Variants in CEP126 observed in about 807,000 individuals in gnomAD.
The protein encoded by CEP126 is centrosomal protein 126.
CEP126 carries 74 observed loss-of-function variants against 107.8 expected under a neutral mutation model. That is an observed-to-expected ratio of 0.69 (90% CI 0.57 to 0.83). The LOEUF (loss-of-function observed/expected upper bound fraction) is 0.83, where lower values mean the gene tolerates loss of function less well. Among genes scored for constraint, CEP126 ranks in the 40% least tolerant of loss-of-function variants. CEP126 has a pLI of 0.00. For missense variants in CEP126, 1,237 were observed against 1,281.9 expected, an observed-to-expected ratio of 0.96 and a Z score of 0.53; for synonymous variants, 449 against 446.0, an observed-to-expected ratio of 1.01 and a Z score of -0.08.
chr11:101,962,664 A>G lies in CEP126; in HGVS notation c.1629A>G (p.Thr543=). The G allele has an allele frequency of 1.2e-6, 2 of 1,613,282 alleles. No homozygotes were observed. The highest frequency in any genetic ancestry group is 8.5e-7 in the Non-Finnish European group (1 of 1,179,696). ...SKDEKQKLAE[T]SSLSNVTSNY... ...ATGAAAAACAAAAATTAGCTGAAAC[A>G]TCATCCTTGTCTAATGTAACTTCTA... Residue 543 remains threonine, a synonymous_variant, in exon 6 of 11, where the codon ACA becomes ACG. Coordinates refer to ENST00000263468, the MANE Select transcript of CEP126 (RefSeq NM_020802.4).
chr11:101,915,425 G>A lies in CEP126; in HGVS notation c.128+13G>A. ...CTGGCTCTTACCTGTATCCTTCCCA[G>A]CCTGTGGCTGCCAGGGTAGCGATGT... On this transcript the variant is annotated intron_variant, in intron 1 of 10. Coordinates refer to ENST00000263468, the MANE Select transcript of CEP126 (RefSeq NM_020802.4). 1 of 1,598,292 alleles carries A rather than the reference G, an allele frequency of 6.3e-7. No homozygotes were observed. Among genetic ancestry groups the A allele is most frequent in the Non-Finnish European group, 8.6e-7 (1 of 1,169,064 alleles).
At chr11:101,917,028 ATGTGTGTGTGTGTGTGTGTGTGTG>A (rs57573389) in intron 1 of CEP126, among the ~76,000 whole-genome samples, 3 of 136,052 alleles carry the variant, frequency 2.2e-5, no homozygotes, top group Middle Eastern at 3.7e-3. Flanking sequence ...AAATCCAACA[ATGTGTGTGTGTGTGTGTGTGTGTG>A]TGTGTGTGTG....
chr11:101,921,944 C>A (rs1486788667), intron 1 of CEP126, among the ~76,000 whole-genome samples: 3 of 150,428 alleles, frequency 2.0e-5, no homozygotes, highest in African/African-American at 7.3e-5. Flanking sequence ...CGCCACCACG[C>A]CCGCCTAATT....
At chr11:101,980,344 A>T (rs1941241260) in intron 7 of CEP126, among the ~76,000 whole-genome samples, 1 of 152,188 alleles carries the variant, frequency 6.6e-6, no homozygotes, top group Non-Finnish European at 1.5e-5. Flanking sequence ...ATAAATTTAA[A>T]AGTAATATGT....
chr11:101,916,223 A>G (rs571334534), intron 1 of CEP126: 2 of 152,290 alleles, frequency 1.3e-5, no homozygotes, highest in Admixed American at 1.3e-4. Context: ...TCTCTTTCCA[A>G]GTTAACTCTG....
intron 2 of CEP126, among the ~76,000 whole-genome samples, chr11:101,943,545 TAC>T (rs150953622): frequency 3.0e-4 from 45 of 148,420 alleles, no homozygotes; most frequent in Middle Eastern, 3.4e-3. Flanking sequence ...TATTGAATCA[TAC>T]ACACACACAC....
At position 101,961,859 on chromosome 11, in the gene CEP126, C is replaced by A. The variant is rs11225089; in HGVS notation, c.824C>A (p.Ser275Tyr). The A allele has an allele frequency of 0.057, 90,889 of 1,606,672 alleles. 4,413 individuals carry two copies. The highest frequency in any genetic ancestry group is 0.24 in the East Asian group (10,809 of 44,782). The change falls in exon 6 of 11, where the codon TCC becomes TAC. Residue 275 changes from serine to tyrosine, a missense_variant. Transcript: ENST00000263468. ...ACACTTAATAAGGAGCATTCCACAT[C>A]CATCCAGCGGAATACCATTTCCCTC... is the stretch of plus-strand genomic sequence containing the variant. ...YLTLNKEHST[S>Y]IQRNTISLKP...
At chr11:101,919,806 A>T (rs1940295706) in intron 1 of CEP126, among the ~76,000 whole-genome samples, 1 of 152,168 alleles carries the variant, frequency 6.6e-6, no homozygotes, top group Admixed American at 6.5e-5. Context: ...CAGAGAACAG[A>T]ACTGTCTCCT....
chr11:101,935,223 T>A (rs1237344746), intron 2 of CEP126, among the ~76,000 whole-genome samples: 1 of 151,996 alleles, frequency 6.6e-6, no homozygotes, highest in African/African-American at 2.4e-5. Flanking sequence ...AAGATATATA[T>A]ATAGATATCT....
In CEP126 at chr11:101,999,730, C is replaced by T. The variant is rs543133717; in HGVS notation, c.*2087C>T. 1.3e-5 allele frequency: 2 copies of T among 152,266 alleles called. No individual in the cohort carries two copies. Among genetic ancestry groups the T allele is most frequent in the African/African-American group, 4.8e-5 (2 of 41,550 alleles). The allele number at this position is 152,266 out of a possible 1,614,324, so 9.4% of individuals were successfully genotyped here. A position where few individuals can be genotyped will look rare whatever the true frequency, so the allele number is the denominator to read the frequency against. On this transcript the variant is annotated 3_prime_UTR_variant, in exon 11 of 11. Transcript: ENST00000263468. ...TGAATTAAAGTGGAAGAGAATAACA[C>T]TTTGCATGCTATAAACGTGAAAACT...
chr11:101,977,690 A>G (rs1394997543), intron 6 of CEP126, among the ~76,000 whole-genome samples: 2 of 151,762 alleles, frequency 1.3e-5, no homozygotes, highest in African/African-American at 4.8e-5. Flanking sequence ...TGTAACTACA[A>G]CTCACCTTAA....
At chr11:101,932,672 G>T (rs1940519413) in intron 2 of CEP126, among the ~76,000 whole-genome samples, 1 of 151,952 alleles carries the variant, frequency 6.6e-6, no homozygotes, top group Admixed American at 6.6e-5. Flanking sequence ...TTTTTAAAAT[G>T]ATTTGCCCCT....
chr11:101,979,927 C>G (rs1432104979), intron 7 of CEP126, among the ~76,000 whole-genome samples: 1 of 151,986 alleles, frequency 6.6e-6, no homozygotes, highest in Non-Finnish European at 1.5e-5. Context: ...TTAAATATCA[C>G]TCTGACTTTT....
At position 101,997,731 on chromosome 11, in the gene CEP126, C is replaced by T; in HGVS notation, c.*88C>T. The T allele has an allele frequency of 1.3e-6, 2 of 1,580,654 alleles. No individual in the cohort carries two copies. Among genetic ancestry groups the T allele is most frequent in the Non-Finnish European group, 1.7e-6 (2 of 1,157,738 alleles). On this transcript the variant is annotated 3_prime_UTR_variant, in exon 11 of 11. Coordinates refer to ENST00000263468, the MANE Select transcript of CEP126 (RefSeq NM_020802.4). ...TTTGTGAAAACCAGCCATAGGAAAA[C>T]ATGTGAGCAACAACCCCCATGAACA... is the stretch of plus-strand genomic sequence containing the variant.
rs1333065009 is a variant in CEP126, at chr11:101,961,948, A to G, written c.913A>G (p.Lys305Glu). 2.5e-6 allele frequency: 4 copies of G among 1,610,622 alleles called. No homozygotes were observed. Among genetic ancestry groups the G allele is most frequent in the Non-Finnish European group, 3.4e-6 (4 of 1,178,480 alleles). The change falls in exon 6 of 11, where the codon AAA (lysine) becomes GAA (glutamate). Residue 305 changes from lysine (K) to glutamate (E), a missense_variant. Lys to Glu is a moderately conservative substitution (Grantham distance 56). Coordinates refer to ENST00000263468, the MANE Select transcript of CEP126 (RefSeq NM_020802.4). ...CFDEDKLAFS[K>E]TQHINNWLTN... ...TGATGAAGATAAACTGGCATTCTCT[A>G]AAACTCAACATATAAATAATTGGCT...
chr11:101,977,393 G>A (rs909041166), intron 6 of CEP126, among the ~76,000 whole-genome samples: 6 of 152,012 alleles, frequency 3.9e-5, no homozygotes, highest in Non-Finnish European at 5.9e-5. Flanking sequence ...AGCACTTTGG[G>A]AGGACGAGGC....
intron 2 of CEP126, among the ~76,000 whole-genome samples, chr11:101,929,931 T>C (rs937545006): frequency 5.9e-5 from 9 of 151,658 alleles, no homozygotes; most frequent in Admixed American, 3.9e-4. Flanking sequence ...TAAGCTGATC[T>C]TTTCCTTATC....
At chr11:101,990,238 A>G (rs907222054) in intron 9 of CEP126, among the ~76,000 whole-genome samples, 10 of 152,214 alleles carry the variant, frequency 6.6e-5, no homozygotes, top group African/African-American at 2.4e-4. Context: ...GAGGCAGAGC[A>G]GGAGACAAGA....
chr11:101,967,088 G>A (rs1350128463), intron 6 of CEP126, among the ~76,000 whole-genome samples: 2 of 147,210 alleles, frequency 1.4e-5, no homozygotes, highest in African/African-American at 5.1e-5. Context: ...GGGCGCAGTG[G>A]CGTGATCATG....
Sources: allele counts gnomAD v4.1 joint callset (sites outside exome capture counted in the v4.1 genomes callset), GRCh38; gene constraint gnomAD v4.1.1; transcripts MANE v1.5; gene names NCBI Gene and HGNC (gene_info 2026-07-23, HGNC 2026-07-21).